Variants in CTSB observed in about 807,000 individuals in gnomAD.
CTSB encodes APP secretase.
In CTSB, 57 loss-of-function variants were observed where a neutral mutation model predicts 44.3. The ratio of observed to expected loss-of-function variants is 1.29; its 90% CI spans 1.04 to 1.60. The LOEUF (loss-of-function observed/expected upper bound fraction) is 1.60, where lower values mean the gene tolerates loss of function less well. Among genes scored for constraint, CTSB ranks in the 40% most tolerant of loss-of-function variants. The probability of loss-of-function intolerance (pLI) is 0.00; values close to 1 mark genes in which losing one functional copy is unlikely to be tolerated. For synonymous variants in CTSB, 320 were observed against 168.0 expected (o/e 1.91, Z -7.00); for missense variants, 768 against 443.0 (o/e 1.73, Z -6.59).
intron 8 of CTSB, 66 bp downstream of exon 8, chr8:11,846,986 C>T: frequency 4.7e-6 from 4 of 855,860 alleles, no homozygotes; most frequent in South Asian, 1.3e-5. Context: ...TCAACATGAA[C>T]CATCCTGGCA....
chr8:11,850,422 AAAAAAAAAAAAAAAAAAAAG>A (rs1263208219), intron 4 of CTSB, among the ~76,000 whole-genome samples: 1 of 92,718 alleles, frequency 1.1e-5, no homozygotes, highest in Non-Finnish European at 2.2e-5. Flanking sequence ...CCATCTCCAA[AAAAAAAAAAAAAAAAAAAAG>A]AAAGAAAAAG....
chr8:11,859,816 T>C (rs1816115842), intron 1 of CTSB, among the ~76,000 whole-genome samples: 1 of 134,850 alleles, frequency 7.4e-6, no homozygotes, highest in Non-Finnish European at 1.5e-5. Context: ...GGCTCACGCA[T>C]GTAATCCCAG....
In CTSB at chr8:11,844,093, C is replaced by A. The variant is rs1065714; in HGVS notation, c.*1032G>T. The A allele has an allele frequency of 1.3e-5, 2 of 152,346 alleles. No homozygotes were observed. Among genetic ancestry groups the A allele is most frequent in the South Asian group, 4.1e-4 (2 of 4,826 alleles). The allele number at this position is 152,346 out of a possible 1,614,324, so 9.4% of individuals were successfully genotyped here. On this transcript the variant is annotated 3_prime_UTR_variant, in exon 10 of 10. Transcript: ENST00000353047. The stretch of plus-strand genomic sequence containing the variant: ...TTTTGAGTTCTTAAGCAAGGGCAAG[C>A]TTACCAGGCACTTACAGAGAAGGTT...
rs773289637 is a variant in CTSB at position 11,862,910 on chromosome 8, G to A, written c.-26+5091C>T. ...TTCTCCATGCATGCTTGCTGGTGATGCTAGATTATCTTGATGACCAGACCA... is the reference window on the plus strand; with the variant it reads ...TTCTCCATGCATGCTTGCTGGTGATACTAGATTATCTTGATGACCAGACCA... On this transcript the variant is annotated intron_variant, in intron 1 of 9. Coordinates refer to ENST00000353047, the MANE Select transcript of CTSB (RefSeq NM_001908.5). 7.2e-5 allele frequency among the ~76,000 whole-genome samples: 11 copies of A among 152,228 alleles called. No individual in the cohort carries two copies. The East Asian group carries it at 1.7e-3, about 24-fold the overall frequency.
rs763176883 is a variant in CTSB at position 11,850,959 on chromosome 8, C to T, written c.234G>A (p.Leu78=). 6.2e-7 allele frequency: 1 copy of T among 1,612,990 alleles called. No individual in the cohort carries two copies. Among genetic ancestry groups the T allele is most frequent in the East Asian group, 2.2e-5 (1 of 44,858 alleles). Residue 78 remains leucine, a synonymous_variant, in exon 4 of 10, where the codon CTG becomes CTA. Coordinates refer to ENST00000353047, the MANE Select transcript of CTSB (RefSeq NM_001908.5). The part of the protein sequence containing the change: ...PPQRVMFTED[L]KLPASFDARE... ...GTGCATCGAAGCTTGCAGGCAGCTTCAGGTCCTCGGTAAACATAACTCTGG... is the reference window on the plus strand; with the variant it reads ...GTGCATCGAAGCTTGCAGGCAGCTTTAGGTCCTCGGTAAACATAACTCTGG...
Position 11,847,100 on chromosome 8 carries a change from C to T in CTSB, c.745G>A (p.Val249Met), listed in dbSNP as rs138438915. 7.4e-6 allele frequency: 12 copies of T among 1,613,754 alleles called. No homozygotes were observed. The highest frequency in any genetic ancestry group is 2.2e-5 in the East Asian group (1 of 44,878). ...GAATACACAGAGAAAGCTCCCTCCA[C>T]GGGGCCGTTTTTGTAGATCTCGGCC... Reference protein sequence around the residue: ...IMAEIYKNGPVEGAFSVYSDF... With the variant: ...IMAEIYKNGPMEGAFSVYSDF... Residue 249 changes from valine (V) to methionine (M), a missense_variant, in exon 8 of 10, where the codon GTG becomes ATG. Val to Met is a conservative substitution (Grantham distance 21, BLOSUM62 1). Transcript: ENST00000353047.
At position 11,842,656 on chromosome 8, in the gene CTSB, GAC is replaced by G. The variant is rs1435695363; in HGVS notation, c.*2467_*2468del. 2.0e-5 allele frequency: 3 copies of G among 151,040 alleles called. No individual in the cohort carries two copies. Among genetic ancestry groups the G allele is most frequent in the African/African-American group, 4.9e-5 (2 of 41,036 alleles). The allele number at this position is 151,040 out of a possible 1,614,324, so 9.4% of individuals were successfully genotyped here. The stretch of plus-strand genomic sequence containing the variant: ...TTCTTTTTCTTTTTTTTTTTGGTGA[GAC>G]ACAGATTCACTCTTGTCCCCCAGGC... On this transcript the variant is annotated 3_prime_UTR_variant, in exon 10 of 10. Transcript: ENST00000353047.
intron 8 of CTSB, 54 bp downstream of exon 8, chr8:11,846,998 C>A (rs558853474): frequency 2.2e-6 from 2 of 894,582 alleles, no homozygotes; most frequent in South Asian, 2.6e-5. Context: ...ATCCTGGCAC[C>A]CAGGCTCCCC....
At chr8:11,866,983 G>A (rs1472414136) in intron 1 of CTSB, among the ~76,000 whole-genome samples, 2 of 152,302 alleles carry the variant, frequency 1.3e-5, no homozygotes, top group Admixed American at 1.3e-4. Context: ...TGCCAGGTCT[G>A]CATTTGAACC....
intron 1 of CTSB, chr8:11,855,033 G>C (rs776479810): frequency 8.7e-4 from 132 of 152,186 alleles, no homozygotes; most frequent in Non-Finnish European, 1.6e-3. Context: ...GAATTGTTTT[G>C]TTTTTTTGAG....
chr8:11,847,970 T>C, intron 6 of CTSB, 97 bp downstream of exon 6: 2 of 1,339,990 alleles, frequency 1.5e-6, no homozygotes, highest in Non-Finnish European at 2.1e-6. Context: ...GCAGCCCCTC[T>C]GTCTCAACCC....
intron 1 of CTSB, chr8:11,864,356 C>G (rs568498124): frequency 1.3e-5 from 2 of 151,050 alleles, no homozygotes; most frequent in East Asian, 3.9e-4. Context: ...TGGGCACCGC[C>G]TGTGGTCCCA....
At chr8:11,856,442 T>C (rs1184352305) in intron 1 of CTSB, among the ~76,000 whole-genome samples, 1 of 151,792 alleles carries the variant, frequency 6.6e-6, no homozygotes, top group Non-Finnish European at 1.5e-5. Context: ...GGTGAAACCC[T>C]GTATCTACTA....
intron 1 of CTSB, among the ~76,000 whole-genome samples, chr8:11,859,471 G>C (rs1262114134): frequency 2.0e-5 from 3 of 152,136 alleles, no homozygotes; most frequent in Non-Finnish European, 4.4e-5. Context: ...CAATAAAGAA[G>C]GCTTTCTGGC....
chr8:11,860,778 T>C (rs1816294878), intron 1 of CTSB, among the ~76,000 whole-genome samples: 1 of 152,232 alleles, frequency 6.6e-6, no homozygotes, highest in Non-Finnish European at 1.5e-5. Context: ...CAGTAAGACC[T>C]TCCCAGAGTA....
At chr8:11,847,216 T>G in intron 7 of CTSB, 48 bp from the exon 8 acceptor site, 1 of 1,174,910 alleles carries the variant, frequency 8.5e-7, no homozygotes, top group Non-Finnish European at 1.3e-6. Context: ...TGACCGTGCC[T>G]CGTGGCACGC....
intron 1 of CTSB, among the ~76,000 whole-genome samples, chr8:11,859,767 C>CAAAAAAA (rs36047077): frequency 5.1e-5 from 2 of 38,978 alleles, no homozygotes; most frequent in Non-Finnish European, 7.8e-5. Context: ...GACTCTGTCT[C>CAAAAAAA]AAAAAAAAAA....
intron 1 of CTSB, among the ~76,000 whole-genome samples, chr8:11,858,223 A>G (rs1586172507): frequency 6.6e-6 from 1 of 152,222 alleles, no homozygotes; most frequent in South Asian, 2.1e-4. Flanking sequence ...TAACACTTCT[A>G]GCTCTCAGTT....
chr8:11,860,130 T>A (rs570211982), intron 1 of CTSB, among the ~76,000 whole-genome samples: 1 of 152,298 alleles, frequency 6.6e-6, no homozygotes. Flanking sequence ...TCAGGTAGAC[T>A]GCACTTTAAA....
Sources: allele counts gnomAD v4.1 joint callset (sites outside exome capture counted in the v4.1 genomes callset), GRCh38; gene constraint gnomAD v4.1.1; transcripts MANE v1.5; gene names NCBI Gene and HGNC (gene_info 2026-07-23, HGNC 2026-07-21).